Variants in VPS37A observed in about 807,000 individuals in gnomAD.
VPS37A encodes the protein VPS37A subunit of ESCRT-I.
VPS37A carries 30 observed loss-of-function variants against 49.8 expected under a neutral mutation model. The ratio of observed to expected loss-of-function variants is 0.60; its 90% CI spans 0.45 to 0.82. The LOEUF (loss-of-function observed/expected upper bound fraction) is 0.82, where lower values mean the gene tolerates loss of function less well. VPS37A is among the 40% of genes least tolerant of loss of function. The probability of loss-of-function intolerance (pLI) is 0.00; values close to 1 mark genes in which losing one functional copy is unlikely to be tolerated. For missense variants in VPS37A, 593 were observed against 464.4 expected, an observed-to-expected ratio of 1.28 and a Z score of -2.55; for synonymous variants, 195 against 160.6, an observed-to-expected ratio of 1.21 and a Z score of -1.62.
At chr8:17,294,841 C>G (rs1332764203) in intron 11 of VPS37A, 146 bp from the exon 12 acceptor site, 1 of 152,296 alleles carries the variant, frequency 6.6e-6, no homozygotes, top group Non-Finnish European at 1.5e-5. Context: ...CTGTTGGTCT[C>G]CCTGGGAGCT....
chr8:17,284,084 A>G (rs866388239), intron 9 of VPS37A, among the ~76,000 whole-genome samples: 1 of 152,144 alleles, frequency 6.6e-6, no homozygotes, highest in East Asian at 1.9e-4. Context: ...TTCTATTGAA[A>G]TGAGTCGTCA....
At position 17,278,585 on chromosome 8, in the gene VPS37A, C is replaced by G. The variant is rs181429921; in HGVS notation, c.714-1443C>G. Among the ~76,000 whole-genome samples, 426 of 152,182 alleles carry G rather than the reference C, an allele frequency of 2.8e-3. 5 individuals are homozygous for G. The highest frequency in any genetic ancestry group is 2.1e-3 in the Non-Finnish European group (142 of 67,974). ...GAAGATGCTGTGGGCTCATCATGAA[C>G]ATTTCTTCTCCCAGACCTAGAGTCA... is the stretch of plus-strand genomic sequence containing the variant. On this transcript the variant is annotated intron_variant, in intron 6 of 11. Transcript: ENST00000324849.
chr8:17,247,569 C>T (rs1811396113), intron 1 of VPS37A, 200 bp downstream of exon 1: 3 of 761,900 alleles, frequency 3.9e-6, no homozygotes, highest in South Asian at 2.9e-5. Context: ...CCTCCTGCCG[C>T]ACCACTGCTC....
chr8:17,253,845 A>G (rs1243119691), intron 1 of VPS37A, among the ~76,000 whole-genome samples: 1 of 152,186 alleles, frequency 6.6e-6, no homozygotes, highest in Admixed American at 6.5e-5. Context: ...AAAATCTTTA[A>G]TGTGCTAAAG....
chr8:17,311,902 T>A, the VPS37A span: 1 of 410,794 alleles, frequency 2.4e-6, no homozygotes. Flanking sequence ...AACATAAGCA[T>A]TCGTCCTATG....
the VPS37A span, among the ~76,000 whole-genome samples, chr8:17,320,408 T>G: frequency 6.6e-6 from 1 of 152,128 alleles, no homozygotes; most frequent in Non-Finnish European, 1.5e-5. Flanking sequence ...AGGGTATGTT[T>G]TTTTTTGTAA....
At chr8:17,309,315 T>C in the VPS37A span, 3 of 1,564,558 alleles carry the variant, frequency 1.9e-6, no homozygotes, top group African/African-American at 4.1e-5. Flanking sequence ...TCCAGTCCTT[T>C]TCAATTAATA....
rs564296684 is a variant in VPS37A at position 17,274,196 on chromosome 8, A to C, written c.417-537A>C. ...AAAGTACATAATGCTGTGTGACTCT[A>C]ATATACATGCGTGTTTATATATGCA... is the stretch of plus-strand genomic sequence containing the variant. On this transcript the variant is annotated intron_variant, in intron 4 of 11. Transcript: ENST00000324849. Among the ~76,000 whole-genome samples, 24 of 152,364 alleles carry C rather than the reference A, an allele frequency of 1.6e-4. No individual in the cohort carries two copies. The South Asian group carries it at 4.6e-3, about 29-fold the overall frequency.
downstream of VPS37A, among the ~76,000 whole-genome samples, chr8:17,305,565 AT>A (rs1192755489): frequency 2.0e-5 from 3 of 152,204 alleles, no homozygotes; most frequent in African/African-American, 7.2e-5. Context: ...AAATGAAACT[AT>A]TTATCTGTCA....
chr8:17,263,077 A>T (rs574115357), intron 1 of VPS37A, among the ~76,000 whole-genome samples: 108 of 151,334 alleles, frequency 7.1e-4, no homozygotes, highest in African/African-American at 2.5e-3. Flanking sequence ...AAAAAAAAAG[A>T]TATTGTAAAA....
chr8:17,284,712 T>C (rs539164822), intron 10 of VPS37A, 96 bp downstream of exon 10: 5 of 1,362,698 alleles, frequency 3.7e-6, no homozygotes, highest in East Asian at 2.7e-5. Context: ...TTCTCTATTA[T>C]GATATCATCC....
chr8:17,304,785 G>A (rs1432021973), downstream of VPS37A, among the ~76,000 whole-genome samples: 1 of 148,702 alleles, frequency 6.7e-6, no homozygotes, highest in Non-Finnish European at 1.5e-5. Flanking sequence ...GTTCTTTTGG[G>A]GGGAGTTTTT....
chr8:17,288,121 TAAG>T (rs927838729), intron 11 of VPS37A, among the ~76,000 whole-genome samples: 9 of 152,338 alleles, frequency 5.9e-5, no homozygotes, highest in African/African-American at 2.2e-4. Context: ...TCTGCCAGCT[TAAG>T]AAGAAGTAGA....
intron 1 of VPS37A, among the ~76,000 whole-genome samples, chr8:17,258,345 T>C (rs892202969): frequency 6.6e-6 from 1 of 152,218 alleles, no homozygotes; most frequent in African/African-American, 2.4e-5. Context: ...CGATGAGGGT[T>C]GTAATCACAA....
At chr8:17,328,195 C>T in the VPS37A span, among the ~76,000 whole-genome samples, 7 of 151,442 alleles carry the variant, frequency 4.6e-5, no homozygotes, top group African/African-American at 1.7e-4. Flanking sequence ...TTGCTTCTTT[C>T]CTATCAGTGC....
At chr8:17,316,612 T>A in the VPS37A span, among the ~76,000 whole-genome samples, 2 of 152,026 alleles carry the variant, frequency 1.3e-5, no homozygotes, top group Admixed American at 1.3e-4. Flanking sequence ...GGGTTCCACA[T>A]CCTTGGAGTC....
chr8:17,332,505 G>GATC, the VPS37A span, among the ~76,000 whole-genome samples: 1 of 152,170 alleles, frequency 6.6e-6, no homozygotes, highest in African/African-American at 2.4e-5. Context: ...TCACACAGCA[G>GATC]ACAGACAGAT....
chr8:17,302,618 C>A (rs1475667793), downstream of VPS37A, among the ~76,000 whole-genome samples: 2 of 142,532 alleles, frequency 1.4e-5, no homozygotes, highest in Non-Finnish European at 3.0e-5. Context: ...TATTTAGAAT[C>A]TTTCAGCTAC....
the VPS37A span, among the ~76,000 whole-genome samples, chr8:17,318,711 G>A: frequency 5.3e-5 from 8 of 152,144 alleles, no homozygotes; most frequent in African/African-American, 1.9e-4. Context: ...GGAAGGTGAC[G>A]TGAAGTGGCA....
Sources: allele counts gnomAD v4.1 joint callset (sites outside exome capture counted in the v4.1 genomes callset), GRCh38; gene constraint gnomAD v4.1.1; transcripts MANE v1.5; gene names NCBI Gene and HGNC (gene_info 2026-07-23, HGNC 2026-07-21).